Variants in SEMA5A observed in about 807,000 individuals in gnomAD.
SEMA5A encodes semaphorin-5A.
In SEMA5A, 55 loss-of-function variants were observed where a neutral mutation model predicts 135.5. The observed-to-expected ratio is 0.41, with a 90% CI of 0.33 to 0.51. The LOEUF (loss-of-function observed/expected upper bound fraction) is 0.51, where lower values mean the gene tolerates loss of function less well. Ranked by LOEUF, SEMA5A falls within the 20% of genes least tolerant of loss-of-function variation. The pLI is 0.37. For synonymous variants in SEMA5A, 580 were observed against 546.5 expected (o/e 1.06, Z -0.85); for missense variants, 1,290 against 1,419.9 (o/e 0.91, Z 1.47).
rs75947243 is a variant in SEMA5A, at chr5:9,449,005, G to A, written c.-174-11153C>T. Among the ~76,000 whole-genome samples the A allele has an allele frequency of 3.7e-3, 566 of 152,300 alleles. 6 individuals are homozygous for A. The highest frequency in any genetic ancestry group is 0.013 in the African/African-American group (537 of 41,560). On this transcript the variant is annotated intron_variant, in intron 1 of 22. Coordinates refer to ENST00000382496, the MANE Select transcript of SEMA5A (RefSeq NM_003966.3). The stretch of plus-strand genomic sequence containing the variant: ...ATTAATTCAACCATTTGGAAGACAG[G>A]TGGCGATTCCTCAAAGACCTAGAGG...
chr5:9,387,398 C>T (rs1755944065), intron 2 of SEMA5A, among the ~76,000 whole-genome samples: 1 of 152,126 alleles, frequency 6.6e-6, no homozygotes, highest in African/African-American at 2.4e-5. Flanking sequence ...CCCACTACTC[C>T]CAGATCACAG....
chr5:9,311,360 A>G (rs1752123458), intron 5 of SEMA5A, among the ~76,000 whole-genome samples: 2 of 152,008 alleles, frequency 1.3e-5, no homozygotes, highest in Admixed American at 6.6e-5. Flanking sequence ...ACCCAGATAT[A>G]CAGGAAAGAA....
At chr5:9,283,392 C>T (rs1477671325) in intron 5 of SEMA5A, among the ~76,000 whole-genome samples, 2 of 152,118 alleles carry the variant, frequency 1.3e-5, no homozygotes, top group Admixed American at 1.3e-4. Flanking sequence ...AATGCCCACC[C>T]CTGTCTGCCC....
intron 1 of SEMA5A, among the ~76,000 whole-genome samples, chr5:9,466,686 T>A (rs186843717): frequency 1.3e-5 from 2 of 152,348 alleles, no homozygotes; most frequent in East Asian, 3.9e-4. Flanking sequence ...ACTATAAAGT[T>A]ATTATTTTCC....
rs150250455 is a variant in SEMA5A, at chr5:9,138,865, T to A, written c.1482-2244A>T. Among the ~76,000 whole-genome samples the A allele has an allele frequency of 1.1e-3, 167 of 152,370 alleles. 3 individuals are homozygous for A. In the East Asian group the frequency reaches 0.024, roughly 22 times the overall value. ...AGTGAGAACATGCGACGTTTGCTTT[T>A]CTATTCCTGAGTTACTTCACTTAGA... On this transcript the variant is annotated intron_variant, in intron 12 of 22. Transcript: ENST00000382496.
At chr5:9,489,273 T>A (rs553551975) in intron 1 of SEMA5A, among the ~76,000 whole-genome samples, 3 of 151,794 alleles carry the variant, frequency 2.0e-5, no homozygotes, top group Non-Finnish European at 4.4e-5. Context: ...TATATATACC[T>A]GCTCTCAGAA....
chr5:9,154,058 AAAAAATATAT>A (rs1157690600), intron 12 of SEMA5A, among the ~76,000 whole-genome samples: 3 of 51,566 alleles, frequency 5.8e-5, no homozygotes, highest in East Asian at 3.8e-4. Flanking sequence ...AAAAAAAAAA[AAAAAATATAT>A]ATATATATAT....
chr5:9,072,518 A>T (rs1264930484), intron 16 of SEMA5A, among the ~76,000 whole-genome samples: 1 of 152,168 alleles, frequency 6.6e-6, no homozygotes, highest in Non-Finnish European at 1.5e-5. Flanking sequence ...GATCTGCCTG[A>T]AATGATCAGA....
At chr5:9,156,395 C>T (rs1432223457) in intron 11 of SEMA5A, among the ~76,000 whole-genome samples, 1 of 152,186 alleles carries the variant, frequency 6.6e-6, no homozygotes, top group African/African-American at 2.4e-5. Flanking sequence ...CATCAGCTCA[C>T]ATGTGTCAGC....
chr5:9,113,437 C>T (rs1004148312), intron 15 of SEMA5A, among the ~76,000 whole-genome samples: 1 of 152,134 alleles, frequency 6.6e-6, no homozygotes, highest in Non-Finnish European at 1.5e-5. Flanking sequence ...TAAAACTGAA[C>T]ATCAAAACAG....
In SEMA5A at chr5:9,038,016, G is replaced by A. The variant is rs80000794; in HGVS notation, c.*4881C>T. ...AGTAAGGGGCTCAAATGGCATCTAG[G>A]GTCTGATAAGATAAGCGTAGGTAAT... On this transcript the variant is annotated 3_prime_UTR_variant, in exon 23 of 23. Coordinates refer to ENST00000382496, the MANE Select transcript of SEMA5A (RefSeq NM_003966.3). 10 of 152,064 alleles carry A rather than the reference G, an allele frequency of 6.6e-5. No homozygotes were observed. Among genetic ancestry groups the A allele is most frequent in the African/African-American group, 2.4e-4 (10 of 41,370 alleles). 9.4% of individuals were successfully genotyped at this position (152,064 alleles called of 1,614,324 possible).
chr5:9,196,757 C>T (rs1745407963), intron 10 of SEMA5A, among the ~76,000 whole-genome samples: 1 of 152,194 alleles, frequency 6.6e-6, no homozygotes, highest in Non-Finnish European at 1.5e-5. Flanking sequence ...ACCACATTTG[C>T]CAATTAGCGC....
At position 9,190,367 on chromosome 5, in the gene SEMA5A, T is replaced by C. The variant is rs748693413; in HGVS notation, c.1173A>G (p.Thr391=). ...LMHEVVQPVT[T]VPSFMEDNSR... ...TATTGTCCTCCATGAAGGAGGGCACTGTGGTCACTGGCTGTACCACCTCAT... is the reference window on the plus strand; with the variant it reads ...TATTGTCCTCCATGAAGGAGGGCACCGTGGTCACTGGCTGTACCACCTCAT... The change falls in exon 11 of 23, where the codon ACA becomes ACG. Residue 391 remains threonine (T), a synonymous_variant. Coordinates refer to ENST00000382496, the MANE Select transcript of SEMA5A (RefSeq NM_003966.3). 21 of 1,613,924 alleles carry C rather than the reference T, an allele frequency of 1.3e-5. No individual in the cohort carries two copies. In the East Asian group the frequency reaches 3.3e-4, roughly 26 times the overall value.
chr5:9,121,332 A>G (rs545313569), intron 14 of SEMA5A, among the ~76,000 whole-genome samples: 1 of 152,150 alleles, frequency 6.6e-6, no homozygotes, highest in Non-Finnish European at 1.5e-5. Context: ...CACTTTCACG[A>G]TTATTAGTAC....
At chr5:9,182,139 T>G (rs998437649) in intron 11 of SEMA5A, among the ~76,000 whole-genome samples, 3 of 147,982 alleles carry the variant, frequency 2.0e-5, no homozygotes, top group African/African-American at 7.7e-5. Context: ...CTGCTTGTTT[T>G]ATTGCTTCTG....
intron 12 of SEMA5A, among the ~76,000 whole-genome samples, chr5:9,145,498 G>T (rs1316377163): frequency 1.3e-5 from 2 of 152,156 alleles, no homozygotes; most frequent in African/African-American, 4.8e-5. Flanking sequence ...AAGTCCAGGT[G>T]CTCGTATTTA....
intron 8 of SEMA5A, among the ~76,000 whole-genome samples, chr5:9,212,351 T>A (rs1746387877): frequency 6.6e-6 from 1 of 152,254 alleles, no homozygotes; most frequent in African/African-American, 2.4e-5. Flanking sequence ...CGATTAATAT[T>A]TTAATGCATT....
At chr5:9,459,796 T>C (rs1388799846) in intron 1 of SEMA5A, among the ~76,000 whole-genome samples, 2 of 152,194 alleles carry the variant, frequency 1.3e-5, no homozygotes, top group African/African-American at 4.8e-5. Flanking sequence ...AGATAAATAA[T>C]TTTATTTAAA....
chr5:9,323,710 G>A (rs963937916), intron 4 of SEMA5A, among the ~76,000 whole-genome samples: 4 of 140,090 alleles, frequency 2.9e-5, no homozygotes, highest in African/African-American at 1.1e-4. Flanking sequence ...CGCCCAGGCT[G>A]GAGTGCAATG....
Sources: allele counts gnomAD v4.1 joint callset (sites outside exome capture counted in the v4.1 genomes callset), GRCh38; gene constraint gnomAD v4.1.1; transcripts MANE v1.5; gene names NCBI Gene and HGNC (gene_info 2026-07-23, HGNC 2026-07-21).